Variants in HIVEP3 observed in about 807,000 individuals in gnomAD.
HIVEP3 encodes the protein transcription factor HIVEP3.
In HIVEP3, 49 loss-of-function variants were observed where a neutral mutation model predicts 152.8. The observed-to-expected ratio is 0.32, with a 90% CI of 0.26 to 0.41. The LOEUF (loss-of-function observed/expected upper bound fraction) is 0.41, where lower values mean the gene tolerates loss of function less well. Ranked by LOEUF, HIVEP3 falls within the 10% of genes least tolerant of loss-of-function variation. The probability of loss-of-function intolerance (pLI) is 1.00; values close to 1 mark genes in which losing one functional copy is unlikely to be tolerated. For missense variants in HIVEP3, 2,790 were observed against 3,103.3 expected (o/e 0.90, Z 2.40); for synonymous variants, 1,269 against 1,289.0 (o/e 0.98, Z 0.33).
chr1:41,977,270 T>A (rs924964949), intron 1 of HIVEP3, among the ~76,000 whole-genome samples: 3 of 152,132 alleles, frequency 2.0e-5, no homozygotes, highest in African/African-American at 7.2e-5. Context: ...GGATGAGAAC[T>A]ATTACCTTCC....
At chr1:41,765,608 G>A (rs1223533277) in intron 1 of HIVEP3, among the ~76,000 whole-genome samples, 1 of 152,200 alleles carries the variant, frequency 6.6e-6, no homozygotes, top group Non-Finnish European at 1.5e-5. Flanking sequence ...CTCAAATACT[G>A]TATTGGTAAA....
intron 1 of HIVEP3, among the ~76,000 whole-genome samples, chr1:41,837,336 AT>A (rs1447130777): frequency 1.3e-5 from 2 of 151,724 alleles, no homozygotes; most frequent in East Asian, 1.9e-4. Context: ...TATTTTTATT[AT>A]TTTTTTGAGA....
chr1:41,961,961 A>G (rs528474553), intron 1 of HIVEP3, among the ~76,000 whole-genome samples: 1 of 152,270 alleles, frequency 6.6e-6, no homozygotes, highest in Non-Finnish European at 1.5e-5. Flanking sequence ...AAAGAAGACA[A>G]TGGATAGATA....
At chr1:41,538,303 A>G (rs1387091427) in intron 5 of HIVEP3, among the ~76,000 whole-genome samples, 1 of 152,112 alleles carries the variant, frequency 6.6e-6, no homozygotes, top group Non-Finnish European at 1.5e-5. Context: ...AGCTGGACAG[A>G]GGCGAGGGCA....
intron 5 of HIVEP3, among the ~76,000 whole-genome samples, chr1:41,532,496 G>A (rs1333140509): frequency 6.6e-6 from 1 of 152,150 alleles, no homozygotes; most frequent in East Asian, 1.9e-4. Flanking sequence ...AAGCCTTAAA[G>A]AGAAATATAA....
chr1:42,010,478 T>C (rs1352958387), intron 1 of HIVEP3, among the ~76,000 whole-genome samples: 1 of 152,206 alleles, frequency 6.6e-6, no homozygotes, highest in African/African-American at 2.4e-5. Flanking sequence ...AGCCTTTGTG[T>C]GCAGAGATTC....
chr1:42,022,775 C>G (rs998541121), intron 1 of HIVEP3, among the ~76,000 whole-genome samples: 2 of 152,150 alleles, frequency 1.3e-5, no homozygotes, highest in East Asian at 3.8e-4. Context: ...GATGTGGAGT[C>G]TTCTCTGTAG....
chr1:41,984,198 C>A (rs887577363), intron 1 of HIVEP3, among the ~76,000 whole-genome samples: 10 of 152,090 alleles, frequency 6.6e-5, no homozygotes, highest in African/African-American at 2.4e-4. Flanking sequence ...GTCTTGAATT[C>A]CTGGCCTTAA....
At chr1:41,601,373 C>G (rs753337699) in intron 3 of HIVEP3, among the ~76,000 whole-genome samples, 32 of 152,226 alleles carry the variant, frequency 2.1e-4, no homozygotes, top group Non-Finnish European at 2.8e-4. Flanking sequence ...TTAATTCTTC[C>G]AATCCATGAA....
chr1:41,666,642 G>A (rs983065389), intron 2 of HIVEP3, among the ~76,000 whole-genome samples: 2 of 152,070 alleles, frequency 1.3e-5, no homozygotes, highest in African/African-American at 2.4e-5. Flanking sequence ...TCTCAAGCCC[G>A]AAGCCAGAAG....
chr1:41,620,846 A>G (rs1049583475), intron 3 of HIVEP3, among the ~76,000 whole-genome samples: 1 of 152,118 alleles, frequency 6.6e-6, no homozygotes, highest in African/African-American at 2.4e-5. Flanking sequence ...TGGTTCAACA[A>G]TTACTGATCA....
chr1:41,627,831 G>A (rs529889201), intron 3 of HIVEP3, among the ~76,000 whole-genome samples: 113 of 152,222 alleles, frequency 7.4e-4, no homozygotes, highest in Middle Eastern at 6.8e-3. Flanking sequence ...ACCCCCAAGA[G>A]TCTGATGCAG....
chr1:41,877,536 G>A (rs557035574), intron 1 of HIVEP3, among the ~76,000 whole-genome samples: 2 of 152,162 alleles, frequency 1.3e-5, no homozygotes, highest in South Asian at 2.1e-4. Context: ...GTTGGATTTC[G>A]TGCTCTATAC....
chr1:41,688,056 A>T (rs1646139192), intron 2 of HIVEP3, among the ~76,000 whole-genome samples: 1 of 152,246 alleles, frequency 6.6e-6, no homozygotes, highest in Non-Finnish European at 1.5e-5. Context: ...GAGCAGAAAG[A>T]TGCATGTGCC....
chr1:41,985,135 T>C (rs556548806), intron 1 of HIVEP3, among the ~76,000 whole-genome samples: 3 of 152,230 alleles, frequency 2.0e-5, no homozygotes, highest in East Asian at 3.9e-4. Flanking sequence ...ATGGGAAGAA[T>C]GGAAAACTAG....
intron 5 of HIVEP3, among the ~76,000 whole-genome samples, chr1:41,560,546 TG>T (rs1376766308): frequency 6.6e-6 from 1 of 152,206 alleles, no homozygotes; most frequent in Non-Finnish European, 1.5e-5. Context: ...AAGATGTGGC[TG>T]GAGCTTCATG....
chr1:41,717,832 T>C lies in HIVEP3; in HGVS notation c.-800-16837A>G, dbSNP rs115201415. Among the ~76,000 whole-genome samples, 1,372 of 152,262 alleles carry C rather than the reference T, an allele frequency of 9.0e-3. 19 individuals carry two copies. The highest frequency in any genetic ancestry group is 0.031 in the African/African-American group (1,298 of 41,534). ...CCCTGGCCAGAGGATGGACATTGAC[T>C]GTAGGGGAGGGTGAGTCAGTCATTC... On this transcript the variant is annotated intron_variant, in intron 1 of 8. Transcript: ENST00000372583.
Position 41,720,988 on chromosome 1 carries a change from T to C in HIVEP3, c.-800-19993A>G, listed in dbSNP as rs144691480. Among the ~76,000 whole-genome samples the C allele has an allele frequency of 5.7e-3, 872 of 152,270 alleles. 13 individuals carry two copies. Among genetic ancestry groups the C allele is most frequent in the African/African-American group, 0.02 (842 of 41,532 alleles). ...TTCCACTTAGACGTAGTGTCTAAAA[T>C]AGTCAAACTCACAGAAGCAGACAGT... On this transcript the variant is annotated intron_variant, in intron 1 of 8. Coordinates refer to ENST00000372583, the MANE Select transcript of HIVEP3 (RefSeq NM_024503.5).
intron 5 of HIVEP3, among the ~76,000 whole-genome samples, chr1:41,570,213 T>A (rs1644231917): frequency 1.3e-5 from 2 of 152,190 alleles, no homozygotes; most frequent in East Asian, 3.9e-4. Context: ...TGGGACTCAC[T>A]GAAGATGGTG....
Sources: allele counts gnomAD v4.1 joint callset (sites outside exome capture counted in the v4.1 genomes callset), GRCh38; gene constraint gnomAD v4.1.1; transcripts MANE v1.5; gene names NCBI Gene and HGNC (gene_info 2026-07-23, HGNC 2026-07-21).